Variants in LDLRAD2 observed in about 807,000 individuals in gnomAD.
LDLRAD2 encodes low-density lipoprotein receptor class A domain-containing protein 2.
Under a neutral mutation model 24.9 loss-of-function variants are expected in LDLRAD2, and 25 were observed. That is an observed-to-expected ratio of 1.00 (90% confidence interval 0.73 to 1.40). LDLRAD2 has a LOEUF of 1.40. Ranked by LOEUF, LDLRAD2 falls within the 40% of genes most tolerant of loss-of-function variation. The pLI is 0.00. For synonymous variants in LDLRAD2, 182 were observed against 166.7 expected (o/e 1.09, Z -0.71); for missense variants, 391 against 366.2 (o/e 1.07, Z -0.55).
chr1:21,824,471 C>T lies in LDLRAD2; in HGVS notation c.*2256C>T, dbSNP rs963096177. The T allele has an allele frequency of 3.5e-5, 56 of 1,603,630 alleles. No homozygotes were observed. Among genetic ancestry groups the T allele is most frequent in the African/African-American group, 1.3e-4 (10 of 74,734 alleles). On this transcript the variant is annotated 3_prime_UTR_variant, in exon 5 of 5. Transcript: ENST00000344642. The surrounding 1 kb of genome is among the most constrained non-coding windows in gnomAD (Gnocchi z 5.9). ...CTGCTTTCCCCTCCCCCCACCACTC[C>T]GGCCACCAGGAAGCCAGCTTCCTGC...
At chr1:21,822,002 G>T in intron 4 of LDLRAD2, 200 bp from the exon 5 acceptor site, 1 of 1,434,226 alleles carries the variant, frequency 7.0e-7, no homozygotes, top group Non-Finnish European at 9.1e-7. Flanking sequence ...CTAGGCTCTG[G>T]GGTCAGACTC....
intron 4 of LDLRAD2, 106 bp downstream of exon 4, chr1:21,821,717 C>G (rs1331497302): frequency 5.2e-6 from 8 of 1,538,136 alleles, no homozygotes; most frequent in Non-Finnish European, 7.0e-6. Context: ...ACTTTCTCTT[C>G]CCACAGGCCC....
Position 21,814,592 on chromosome 1 carries a change from C to G in LDLRAD2, c.280C>G (p.Pro94Ala). Residue 94 changes from proline to alanine, a missense_variant, in exon 2 of 5, where the codon CCG (proline) becomes GCG (alanine). Physicochemically the swap from Pro to Ala is conservative, Grantham distance 27 (BLOSUM62 -1). Transcript: ENST00000344642. ...FLVYSLTPAP[P>A]ALNTSSPAPA... ...GGTCTACAGCCTGACCCCCGCGCCC[C>G]CGGCGCTCAACACCTCCTCCCCGGC... is the stretch of plus-strand genomic sequence containing the variant. 1.2e-6 allele frequency: 2 copies of G among 1,611,680 alleles called. No homozygotes were observed. The highest frequency in any genetic ancestry group is 8.5e-7 in the Non-Finnish European group (1 of 1,179,282).
chr1:21,817,950 C>T (rs940564427), intron 3 of LDLRAD2, among the ~76,000 whole-genome samples: 5 of 152,144 alleles, frequency 3.3e-5, no homozygotes, highest in Non-Finnish European at 5.9e-5. Context: ...GATCTCGGCT[C>T]ACTGCAACCT....
In LDLRAD2 at chr1:21,816,055, G is replaced by C. The variant is rs980841642; in HGVS notation, c.624G>C (p.Trp208Cys). Residue 208 changes from tryptophan to cysteine, a missense_variant, in exon 3 of 5, where the codon TGG becomes TGC. By Grantham distance (215) the Trp-to-Cys change is radical (BLOSUM62 -2). Coordinates refer to ENST00000344642, the MANE Select transcript of LDLRAD2 (RefSeq NM_001013693.3). ...NCGDGSDQGS[W>C]SPADCRGPSP... ...GCGATGGCAGTGACCAGGGCTCCTGGTCACCAGCTGACTGCAGAGGTCAGT... is the reference window on the plus strand; with the variant it reads ...GCGATGGCAGTGACCAGGGCTCCTGCTCACCAGCTGACTGCAGAGGTCAGT... The C allele has an allele frequency of 3.7e-6, 6 of 1,613,296 alleles. No homozygotes were observed. Among genetic ancestry groups the C allele is most frequent in the African/African-American group, 1.3e-5 (1 of 74,956 alleles).
chr1:21,821,944 G>C, intron 4 of LDLRAD2: 1 of 1,421,544 alleles, frequency 7.0e-7, no homozygotes, highest in Non-Finnish European at 9.2e-7. Context: ...AGCCTTATAG[G>C]ATCAGGGAGG....
chr1:21,817,514 T>C lies in LDLRAD2; in HGVS notation c.643+1440T>C, dbSNP rs147421936. The stretch of plus-strand genomic sequence containing the variant: ...CACCACCATGCCCAGCTAATTTTTG[T>C]GTTTTCTGTAGAGATGAGGTCTCAC... On this transcript the variant is annotated intron_variant, in intron 3 of 4. Coordinates refer to ENST00000344642, the MANE Select transcript of LDLRAD2 (RefSeq NM_001013693.3). Among the ~76,000 whole-genome samples the C allele has an allele frequency of 2.2e-4, 34 of 152,188 alleles. No individual in the cohort carries two copies. The East Asian group carries it at 6.6e-3, about 29-fold the overall frequency.
At chr1:21,817,953 T>C (rs535992446) in intron 3 of LDLRAD2, among the ~76,000 whole-genome samples, 4 of 152,284 alleles carry the variant, frequency 2.6e-5, no homozygotes, top group Non-Finnish European at 4.4e-5. Flanking sequence ...CTCGGCTCAC[T>C]GCAACCTCTG....
chr1:21,814,690 G>A lies in LDLRAD2; in HGVS notation c.378G>A (p.Leu126=). The stretch of plus-strand genomic sequence containing the variant: ...GCCCGCCGGGGGCGCCCCGGCCCCT[G>A]GGGTCCCCACTGTGCGGCCTGAACA... ...YEGPPGAPRP[L]GSPLCGLNIP... Residue 126 remains leucine (L), a synonymous_variant, in exon 2 of 5, where the codon CTG becomes CTA. Coordinates refer to ENST00000344642, the MANE Select transcript of LDLRAD2 (RefSeq NM_001013693.3). 1 of 1,573,252 alleles carries A rather than the reference G, an allele frequency of 6.4e-7. No homozygotes were observed. Among genetic ancestry groups the A allele is most frequent in the Non-Finnish European group, 8.6e-7 (1 of 1,160,502 alleles).
In LDLRAD2 at chr1:21,816,165, A is replaced by T. The variant is rs1267037243; in HGVS notation, c.643+91A>T. ...TCCCTAGGGCAGGGCCCCGATGGGGAGGCAGGAGAGAGGAAAGCGGAAGTG... is the reference window on the plus strand; with the variant it reads ...TCCCTAGGGCAGGGCCCCGATGGGGTGGCAGGAGAGAGGAAAGCGGAAGTG... On this transcript the variant is annotated intron_variant, in intron 3 of 4. Transcript: ENST00000344642. 5.2e-5 allele frequency: 79 copies of T among 1,515,316 alleles called. 2 individuals are homozygous for T. In the Admixed American group the frequency reaches 1.6e-3, roughly 30 times the overall value. 93.9% of individuals were successfully genotyped at this position (1,515,316 alleles called of 1,614,324 possible). A position where few individuals can be genotyped will look rare whatever the true frequency, so the allele number is the denominator to read the frequency against.
intron 3 of LDLRAD2, among the ~76,000 whole-genome samples, chr1:21,819,506 A>G (rs2097947932): frequency 6.6e-6 from 1 of 151,688 alleles, no homozygotes; most frequent in Non-Finnish European, 1.5e-5. Context: ...TTATAAATTT[A>G]TAAATTACCT....
Position 21,823,475 on chromosome 1 carries a change from G to C in LDLRAD2, c.*1260G>C. On this transcript the variant is annotated 3_prime_UTR_variant, in exon 5 of 5. Transcript: ENST00000344642. ...ATCTGCCCCCGGTCAGCGTGGCCAC[G>C]TCAGGGGCTCCGCCTGCCGGGAGGT... The C allele has an allele frequency of 6.2e-7, 1 of 1,600,062 alleles. No individual in the cohort carries two copies. Among genetic ancestry groups the C allele is most frequent in the Non-Finnish European group, 8.5e-7 (1 of 1,177,268 alleles).
intron 3 of LDLRAD2, among the ~76,000 whole-genome samples, chr1:21,821,213 A>G (rs1184444568): frequency 6.6e-6 from 1 of 152,124 alleles, no homozygotes; most frequent in Non-Finnish European, 1.5e-5. Context: ...CAGTACATGT[A>G]CACCCTCTTC....
intron 3 of LDLRAD2, among the ~76,000 whole-genome samples, chr1:21,817,081 T>A (rs774734186): frequency 4.6e-5 from 7 of 152,172 alleles, no homozygotes; most frequent in Non-Finnish European, 7.4e-5. Flanking sequence ...CAGGCCTCAC[T>A]GAGTCATCTT....
intron 2 of LDLRAD2, among the ~76,000 whole-genome samples, chr1:21,815,064 T>G (rs2097942508): frequency 6.6e-6 from 1 of 152,162 alleles, no homozygotes; most frequent in Admixed American, 6.5e-5. Context: ...CATGGATGTG[T>G]GCGTCAGACT....
Position 21,814,785 on chromosome 1 carries a change from G to C in LDLRAD2, c.473G>C (p.Arg158Pro). 1 of 1,479,768 alleles carries C rather than the reference G, an allele frequency of 6.8e-7. No homozygotes were observed. The highest frequency in any genetic ancestry group is 8.9e-7 in the Non-Finnish European group (1 of 1,121,676). 91.7% of individuals were successfully genotyped at this position (1,479,768 alleles called of 1,614,324 possible). The change falls in exon 2 of 5, where the codon CGC (arginine) becomes CCC (proline). Residue 158 changes from arginine (R) to proline (P), a missense_variant. Coordinates refer to ENST00000344642, the MANE Select transcript of LDLRAD2 (RefSeq NM_001013693.3). ...LRLVTRGRQP[R>P]VDFVGEVTSF... ...CTGGTCACGAGAGGCCGCCAGCCCC[G>C]CGTGGACTTCGTGGGCGAAGTCACC...
At chr1:21,813,361 C>A (rs35861692) in intron 1 of LDLRAD2, among the ~76,000 whole-genome samples, 1 of 152,134 alleles carries the variant, frequency 6.6e-6, no homozygotes, top group African/African-American at 2.4e-5. Flanking sequence ...GCCCTGTGTA[C>A]CTTCAGGGTA....
chr1:21,820,606 A>G (rs2097950024), intron 3 of LDLRAD2, among the ~76,000 whole-genome samples: 1 of 151,974 alleles, frequency 6.6e-6, no homozygotes, highest in African/African-American at 2.4e-5. Flanking sequence ...ACTAGCATCT[A>G]TCTCCTTTAG....
intron 4 of LDLRAD2, 107 bp downstream of exon 4, chr1:21,821,718 C>T: frequency 6.5e-7 from 1 of 1,538,374 alleles, no homozygotes; most frequent in East Asian, 2.3e-5. Context: ...CTTTCTCTTC[C>T]CACAGGCCCC....
Sources: gnomAD v4.1 joint callset for allele counts (sites outside exome capture counted in the v4.1 genomes callset) on GRCh38, gnomAD v4.1.1 for gene constraint, Gnocchi (gnomAD v3.1) non-coding constraint, MANE v1.5 for transcripts, NCBI Gene and HGNC (gene_info 2026-07-23, HGNC 2026-07-21) for gene names.